The following ZFHX3 variants were observed in gnomAD, a reference collection of about 807,000 sequenced individuals.
ZFHX3 encodes zinc finger homeobox 3.
ZFHX3 carries 42 observed loss-of-function variants against 279.1 expected under a neutral mutation model. That is an observed-to-expected ratio of 0.15 (90% CI 0.12 to 0.19). The LOEUF (loss-of-function observed/expected upper bound fraction) is 0.19. Ranked by LOEUF, ZFHX3 falls within the 10% of genes least tolerant of loss-of-function variation. The pLI is 1.00. For synonymous variants in ZFHX3, 2,293 were observed against 1,957.8 expected (o/e 1.17, Z -4.52); for missense variants, 4,981 against 4,754.0 (o/e 1.05, Z -1.40).
At chr16:72,856,792 T>A (rs1276872797) in intron 4 of ZFHX3, among the ~76,000 whole-genome samples, 1 of 152,198 alleles carries the variant, frequency 6.6e-6, no homozygotes, top group African/African-American at 2.4e-5. Context: ...CTAAACCATG[T>A]TGCAGGAACA....
At chr16:73,586,405 C>T (rs2051926567) in intron 2 of ZFHX3, among the ~76,000 whole-genome samples, 1 of 147,878 alleles carries the variant, frequency 6.8e-6, no homozygotes, top group Non-Finnish European at 1.5e-5. Flanking sequence ...AACAAACAAA[C>T]AAACAAACAA....
chr16:73,252,335 G>A (rs770906565), intron 5 of ZFHX3, among the ~76,000 whole-genome samples: 3 of 152,202 alleles, frequency 2.0e-5, no homozygotes, highest in Non-Finnish European at 2.9e-5. Context: ...AGGCATTGAC[G>A]GCTGGAGCTG....
intron 5 of ZFHX3, among the ~76,000 whole-genome samples, chr16:73,145,799 T>G (rs942085610): frequency 3.9e-5 from 6 of 152,198 alleles, no homozygotes; most frequent in African/African-American, 1.2e-4. Flanking sequence ...GATTGGTTCT[T>G]GAAATGAAAC....
chr16:73,359,309 T>C (rs1461913644), intron 3 of ZFHX3, among the ~76,000 whole-genome samples: 1 of 151,770 alleles, frequency 6.6e-6, no homozygotes, highest in Non-Finnish European at 1.5e-5. Context: ...GAGAATGGCA[T>C]GTGCAGAGAA....
At chr16:73,192,248 C>T (rs1968057079) in intron 5 of ZFHX3, among the ~76,000 whole-genome samples, 1 of 152,156 alleles carries the variant, frequency 6.6e-6, no homozygotes, top group Non-Finnish European at 1.5e-5. Context: ...CCCTGCCCCT[C>T]TGCGTCTGTT....
At chr16:72,971,636 C>T (rs1320325915) in intron 1 of ZFHX3, among the ~76,000 whole-genome samples, 3 of 152,068 alleles carry the variant, frequency 2.0e-5, no homozygotes, top group African/African-American at 7.2e-5. Flanking sequence ...ACATTTAAGG[C>T]CCTCTGGAAC....
At chr16:73,087,303 G>A (rs1439253332) in intron 8 of ZFHX3, among the ~76,000 whole-genome samples, 2 of 152,046 alleles carry the variant, frequency 1.3e-5, no homozygotes, top group Non-Finnish European at 2.9e-5. Context: ...GTTTAACTGG[G>A]GCCTCTGAGG....
At chr16:73,293,265 A>C (rs946678833) in intron 4 of ZFHX3, among the ~76,000 whole-genome samples, 3 of 152,294 alleles carry the variant, frequency 2.0e-5, no homozygotes, top group African/African-American at 4.8e-5. Flanking sequence ...AAAGTTTGGG[A>C]AAGAGGCTAT....
intron 3 of ZFHX3, among the ~76,000 whole-genome samples, chr16:73,320,285 C>A (rs957853004): frequency 2.0e-5 from 3 of 152,148 alleles, no homozygotes; most frequent in Non-Finnish European, 2.9e-5. Flanking sequence ...CCAGATGAAC[C>A]TGCTGTACCT....
At chr16:73,006,316 A>G (rs1963699964) in intron 1 of ZFHX3, among the ~76,000 whole-genome samples, 1 of 152,230 alleles carries the variant, frequency 6.6e-6, no homozygotes, top group Admixed American at 6.5e-5. Context: ...CAGACTAGGA[A>G]TAAGGGTAGA....
intron 2 of ZFHX3, among the ~76,000 whole-genome samples, chr16:73,549,602 G>A (rs1427946463): frequency 6.6e-6 from 1 of 152,078 alleles, no homozygotes; most frequent in Non-Finnish European, 1.5e-5. Flanking sequence ...GTATTATGTT[G>A]TTGGTTTCCT....
chr16:72,812,120 T>C lies in ZFHX3; in HGVS notation c.3530-82A>G. On this transcript the variant is annotated intron_variant, in intron 5 of 9. Coordinates refer to ENST00000268489, the MANE Select transcript of ZFHX3 (RefSeq NM_006885.4). ...GGTTTGTGTTGGGTGAAAATCAACA[T>C]TCATTTATAGCACAGGATTTTCTTA... 2.6e-6 allele frequency: 4 copies of C among 1,528,738 alleles called. No individual in the cohort carries two copies. The South Asian group carries it at 5.2e-5, about 20-fold the overall frequency. 94.7% of individuals were successfully genotyped at this position (1,528,738 alleles called of 1,614,324 possible).
chr16:72,986,001 C>G (rs1962823718), intron 1 of ZFHX3, among the ~76,000 whole-genome samples: 2 of 152,182 alleles, frequency 1.3e-5, no homozygotes, highest in South Asian at 4.1e-4. Flanking sequence ...GTTTACAAAA[C>G]TAATAAAGAT....
At chr16:73,025,301 T>C (rs1964458153) in intron 1 of ZFHX3, among the ~76,000 whole-genome samples, 1 of 152,056 alleles carries the variant, frequency 6.6e-6, no homozygotes, top group Non-Finnish European at 1.5e-5. Context: ...GACTCACACA[T>C]GGGCAGACAC....
chr16:73,644,823 CACA>C (rs1049108807), intron 2 of ZFHX3, among the ~76,000 whole-genome samples: 43 of 152,140 alleles, frequency 2.8e-4, no homozygotes, highest in African/African-American at 1.0e-3. Flanking sequence ...CGGCACCTCA[CACA>C]ACTTCTCATG....
chr16:73,496,809 G>A (rs2019149837), intron 2 of ZFHX3, among the ~76,000 whole-genome samples: 1 of 152,164 alleles, frequency 6.6e-6, no homozygotes, highest in Non-Finnish European at 1.5e-5. Flanking sequence ...CTGGGGGGTG[G>A]GAGTGAGGGA....
At chr16:73,088,693 G>C (rs1019863385) in intron 8 of ZFHX3, among the ~76,000 whole-genome samples, 2 of 152,180 alleles carry the variant, frequency 1.3e-5, no homozygotes, top group Admixed American at 6.5e-5. Flanking sequence ...AACTAAATGA[G>C]AGTTAAAACA....
At chr16:73,647,384 C>T (rs2052629301) in intron 2 of ZFHX3, among the ~76,000 whole-genome samples, 1 of 152,154 alleles carries the variant, frequency 6.6e-6, no homozygotes, top group African/African-American at 2.4e-5. Flanking sequence ...GTGGCTGGAT[C>T]ACGGGGGCAG....
At chr16:73,875,818 C>T (rs2029929289) in intron 1 of ZFHX3, among the ~76,000 whole-genome samples, 1 of 152,152 alleles carries the variant, frequency 6.6e-6, no homozygotes, top group South Asian at 2.1e-4. Context: ...TCTGGCACAC[C>T]ATTAATCATC....
Sources: allele counts gnomAD v4.1 joint callset (sites outside exome capture counted in the v4.1 genomes callset), GRCh38; gene constraint gnomAD v4.1.1; transcripts MANE v1.5; gene names NCBI Gene and HGNC (gene_info 2026-07-23, HGNC 2026-07-21).